The following CPED1 variants were observed in gnomAD, a reference collection of about 807,000 sequenced individuals.
CPED1 encodes the protein cadherin-like and PC-esterase domain-containing protein 1.
In CPED1, 114 loss-of-function variants were observed where a neutral mutation model predicts 128.2. The observed-to-expected ratio is 0.89, with a 90% CI of 0.76 to 1.04. The LOEUF (loss-of-function observed/expected upper bound fraction) is 1.04. Ranked by LOEUF, CPED1 falls within the 50% of genes least tolerant of loss-of-function variation. The pLI is 0.00. For missense variants in CPED1, 1,211 were observed against 1,207.1 expected, an observed-to-expected ratio of 1.00 and a Z score of -0.05; for synonymous variants, 462 against 426.7, an observed-to-expected ratio of 1.08 and a Z score of -1.02.
In CPED1 at chr7:121,067,572, A is replaced by G. The variant is rs1191843206; in HGVS notation, c.616+3259A>G. Among the ~76,000 whole-genome samples the G allele has an allele frequency of 2.0e-5, 3 of 152,224 alleles. No individual in the cohort carries two copies. In the East Asian group the frequency reaches 5.8e-4, roughly 29 times the overall value. On this transcript the variant is annotated intron_variant, in intron 5 of 22. Coordinates refer to ENST00000310396, the MANE Select transcript of CPED1 (RefSeq NM_024913.5). ...TATTGTGAATAGTGCCGCAAAAAAC[A>G]TACGTGTGCATATGTCTTTATAGCA...
chr7:121,142,852 A>G (rs1381058473), intron 16 of CPED1, among the ~76,000 whole-genome samples: 1 of 152,006 alleles, frequency 6.6e-6, no homozygotes, highest in African/African-American at 2.4e-5. Flanking sequence ...TTTTTATCAC[A>G]TATCTATTAA....
chr7:121,005,351 C>A (rs1460287763), intron 2 of CPED1, among the ~76,000 whole-genome samples: 2 of 152,094 alleles, frequency 1.3e-5, no homozygotes, highest in South Asian at 2.1e-4. Context: ...TGGGTTGGTT[C>A]CAAGTCTTTG....
intron 10 of CPED1, 128 bp downstream of exon 10, chr7:121,127,385 C>T: frequency 1.9e-6 from 1 of 535,320 alleles, no homozygotes. Context: ...TTATATCACA[C>T]TTCTTAATTT....
At chr7:121,290,526 G>A (rs1792677505) in intron 22 of CPED1, among the ~76,000 whole-genome samples, 1 of 152,190 alleles carries the variant, frequency 6.6e-6, no homozygotes, top group East Asian at 1.9e-4. Context: ...GTATCTCATT[G>A]TGGTTTTGAT....
chr7:121,208,580 G>C (rs1477633562), intron 16 of CPED1, among the ~76,000 whole-genome samples: 3 of 152,068 alleles, frequency 2.0e-5, no homozygotes, highest in Admixed American at 6.6e-5. Flanking sequence ...GGGTCACAAA[G>C]ATGGTGAATG....
At chr7:121,243,651 A>G (rs879197229) in intron 17 of CPED1, among the ~76,000 whole-genome samples, 1 of 152,242 alleles carries the variant, frequency 6.6e-6, no homozygotes, top group African/African-American at 2.4e-5. Context: ...ACAGCTAGAA[A>G]GAGGTGAAGA....
chr7:121,098,324 C>T (rs1192572170), intron 6 of CPED1, among the ~76,000 whole-genome samples: 1 of 151,950 alleles, frequency 6.6e-6, no homozygotes, highest in African/African-American at 2.4e-5. Context: ...AATTATCTTA[C>T]CCAAGACACA....
chr7:121,050,581 A>G (rs1244851194), intron 4 of CPED1: 2 of 247,026 alleles, frequency 8.1e-6, no homozygotes, highest in East Asian at 2.4e-4. Context: ...CTTCTGCCTC[A>G]GCCTCTGGAG....
intron 7 of CPED1, among the ~76,000 whole-genome samples, chr7:121,102,064 A>T (rs1413777659): frequency 1.3e-5 from 2 of 152,120 alleles, no homozygotes; most frequent in African/African-American, 2.4e-5. Context: ...TTAAATGCTC[A>T]TGCCCCTTCA....
chr7:121,180,747 G>A (rs1266884472), intron 16 of CPED1, among the ~76,000 whole-genome samples: 1 of 151,992 alleles, frequency 6.6e-6, no homozygotes, highest in Non-Finnish European at 1.5e-5. Flanking sequence ...ATTTTTAGAT[G>A]ATCTACCTAT....
At chr7:121,147,884 A>G (rs1302129350) in intron 16 of CPED1, among the ~76,000 whole-genome samples, 1 of 152,160 alleles carries the variant, frequency 6.6e-6, no homozygotes, top group Non-Finnish European at 1.5e-5. Flanking sequence ...TTAGCCATCT[A>G]GATTCTGAGA....
chr7:121,152,777 A>G (rs560539502), intron 16 of CPED1, among the ~76,000 whole-genome samples: 4 of 152,234 alleles, frequency 2.6e-5, no homozygotes, highest in Non-Finnish European at 5.9e-5. Context: ...GAGATTTTCA[A>G]ATTTCTTAAA....
chr7:121,293,058 A>C (rs1487352776), intron 22 of CPED1, among the ~76,000 whole-genome samples: 1 of 152,098 alleles, frequency 6.6e-6, no homozygotes, highest in Non-Finnish European at 1.5e-5. Flanking sequence ...GTGTTGGGAG[A>C]TCCTCTGCTC....
chr7:121,161,047 A>G (rs1436523142), intron 16 of CPED1, among the ~76,000 whole-genome samples: 1 of 152,158 alleles, frequency 6.6e-6, no homozygotes, highest in Non-Finnish European at 1.5e-5. Context: ...GACCCCATTC[A>G]CCACCTCCAA....
At chr7:121,141,406 T>C (rs551465835) in intron 15 of CPED1, among the ~76,000 whole-genome samples, 2 of 152,180 alleles carry the variant, frequency 1.3e-5, no homozygotes, top group East Asian at 3.9e-4. Context: ...TTTTTTCCTA[T>C]TGATTCTTTT....
chr7:121,276,392 A>G (rs764562975), intron 22 of CPED1, among the ~76,000 whole-genome samples: 7 of 152,082 alleles, frequency 4.6e-5, no homozygotes, highest in Non-Finnish European at 8.8e-5. Context: ...ACTACATTCC[A>G]ACTGCCTTGA....
At chr7:121,176,014 C>T (rs1045210936) in intron 16 of CPED1, among the ~76,000 whole-genome samples, 5 of 151,746 alleles carry the variant, frequency 3.3e-5, no homozygotes, top group Admixed American at 6.6e-5. Context: ...CCTCCTATAA[C>T]GGACAGTCTA....
rs146974363 is a variant in CPED1 at position 121,028,080 on chromosome 7, G to A, written c.433+12232G>A. Among the ~76,000 whole-genome samples, 7 of 152,232 alleles carry A rather than the reference G, an allele frequency of 4.6e-5. No homozygotes were observed. The East Asian group carries it at 1.4e-3, about 29-fold the overall frequency. On this transcript the variant is annotated intron_variant, in intron 3 of 22. Coordinates refer to ENST00000310396, the MANE Select transcript of CPED1 (RefSeq NM_024913.5). ...GCTCTACCATGGTACCTACTGATTT[G>A]CTAGGATGGTGATTTTCAAATTTGG...
At chr7:121,060,771 A>G (rs374255450) in intron 4 of CPED1, among the ~76,000 whole-genome samples, 44 of 152,234 alleles carry the variant, frequency 2.9e-4, no homozygotes, top group South Asian at 1.0e-3. Flanking sequence ...TGTCCCAGCC[A>G]GCAGTGGCAA....
Sources: gnomAD v4.1 joint callset for allele counts (sites outside exome capture counted in the v4.1 genomes callset) on GRCh38, gnomAD v4.1.1 for gene constraint, MANE v1.5 for transcripts, NCBI Gene and HGNC (gene_info 2026-07-23, HGNC 2026-07-21) for gene names.